Variants in BPIFB3 observed in about 807,000 individuals in gnomAD.
The protein encoded by BPIFB3 is BPI fold-containing family B member 3.
A neutral mutation model predicts 53.1 loss-of-function variants in BPIFB3; 49 were observed. The observed-to-expected ratio is 0.92, with a 90% CI of 0.73 to 1.17. The LOEUF (loss-of-function observed/expected upper bound fraction) is 1.17. Among genes scored for constraint, BPIFB3 ranks in the 50% most tolerant of loss-of-function variants. The probability of loss-of-function intolerance (pLI) is 0.00; values close to 1 mark genes in which losing one functional copy is unlikely to be tolerated. For synonymous variants in BPIFB3, 271 were observed against 269.6 expected, an observed-to-expected ratio of 1.01 and a Z score of -0.05; for missense variants, 628 against 592.5, an observed-to-expected ratio of 1.06 and a Z score of -0.62.
rs756892547 is a variant in BPIFB3, at chr20:33,071,205, G to A, written c.1218-48G>A. The A allele has an allele frequency of 1.5e-5, 23 of 1,534,738 alleles. No homozygotes were observed. The South Asian group carries it at 2.4e-4, about 16-fold the overall frequency. ...TGGGGCAGGCTGGGGGTGGGACAGG[G>A]GTGGTTGGGGGTAGCGGGGGCCCCA... is the stretch of plus-strand genomic sequence containing the variant. On this transcript the variant is annotated intron_variant, in intron 11 of 14. Transcript: ENST00000375494.
chr20:33,060,858 C>G (rs1462807965), intron 4 of BPIFB3, among the ~76,000 whole-genome samples: 1 of 152,206 alleles, frequency 6.6e-6, no homozygotes, highest in African/African-American at 2.4e-5. Flanking sequence ...AGCCACCGTG[C>G]CTGACCTCTC....
intron 9 of BPIFB3, among the ~76,000 whole-genome samples, chr20:33,067,902 A>G (rs1469539886): frequency 6.6e-6 from 1 of 152,134 alleles, no homozygotes; most frequent in Admixed American, 6.5e-5. Context: ...CCCCTTAGGG[A>G]TTCTGGGCTT....
At position 33,063,723 on chromosome 20, in the gene BPIFB3, T is replaced by G. The variant is rs746665889; in HGVS notation, c.652+48T>G. ...CCTCTTTGCCCCTTCTACCCGTCTCTGTATGACCCCAATGGGGTAGGGTAC... is the reference window on the plus strand; with the variant it reads ...CCTCTTTGCCCCTTCTACCCGTCTCGGTATGACCCCAATGGGGTAGGGTAC... On this transcript the variant is annotated intron_variant, in intron 6 of 14. Transcript: ENST00000375494. The G allele has an allele frequency of 2.1e-5, 34 of 1,591,192 alleles. No homozygotes were observed. The South Asian group carries it at 3.8e-4, about 18-fold the overall frequency.
chr20:33,061,219 T>G (rs1395721497), intron 4 of BPIFB3, among the ~76,000 whole-genome samples: 4 of 152,096 alleles, frequency 2.6e-5, no homozygotes, highest in East Asian at 3.9e-4. Flanking sequence ...GCTCCTTAAA[T>G]TCCAGTGGTT....
chr20:33,072,901 C>G (rs1323108954), intron 14 of BPIFB3, 108 bp downstream of exon 15: 1 of 978,326 alleles, frequency 1.0e-6, no homozygotes, highest in African/African-American at 1.7e-5. Flanking sequence ...TTGTCTGTCC[C>G]TGATCCATTT....
chr20:33,063,569 G>T (rs181339678), intron 5 of BPIFB3, 46 bp from the exon 7 acceptor site: 2 of 1,597,862 alleles, frequency 1.3e-6, no homozygotes, highest in Non-Finnish European at 1.7e-6. Flanking sequence ...AGCTGTCCTC[G>T]CAGTGAGCTC....
chr20:33,069,047 A>G, intron 10 of BPIFB3, 74 bp downstream of exon 11: 1 of 1,500,596 alleles, frequency 6.7e-7, no homozygotes, highest in Non-Finnish European at 9.0e-7. Flanking sequence ...AGGACTGTGG[A>G]GGTACCGTCC....
chr20:33,054,696 GA>G (rs1257532493), upstream of BPIFB3, among the ~76,000 whole-genome samples: 4 of 152,178 alleles, frequency 2.6e-5, no homozygotes, highest in Non-Finnish European at 5.9e-5. Flanking sequence ...GGGCAGCGGG[GA>G]GCCACTGAAG....
chr20:33,057,393 T>G (rs904322727), intron 2 of BPIFB3, among the ~76,000 whole-genome samples: 5 of 152,128 alleles, frequency 3.3e-5, no homozygotes, highest in Admixed American at 6.5e-5. Flanking sequence ...TACATCATGT[T>G]GGTCAGGGTG....
chr20:33,061,917 G>T, intron 5 of BPIFB3, 86 bp downstream of exon 6: 1 of 1,481,804 alleles, frequency 6.7e-7, no homozygotes, highest in Non-Finnish European at 9.4e-7. Flanking sequence ...TTTGGCGCCA[G>T]GCAGGATTAG....
chr20:33,053,977 T>C (rs940202322), upstream of BPIFB3, among the ~76,000 whole-genome samples: 1 of 152,122 alleles, frequency 6.6e-6, no homozygotes, highest in Admixed American at 6.5e-5. Context: ...TAAGACAGCC[T>C]GAGGCAGCCC....
At chr20:33,067,032 C>A (rs753958044) in intron 9 of BPIFB3, among the ~76,000 whole-genome samples, 155 bp downstream of exon 10, 8 of 152,246 alleles carry the variant, frequency 5.3e-5, no homozygotes, top group Non-Finnish European at 8.8e-5. Flanking sequence ...ACACGACATC[C>A]TTTCCTGATA....
chr20:33,057,135 A>G (rs1284453906), intron 2 of BPIFB3, among the ~76,000 whole-genome samples: 1 of 152,104 alleles, frequency 6.6e-6, no homozygotes, highest in East Asian at 1.9e-4. Context: ...TGGCTTATTC[A>G]CTGTTGTGTC....
intron 4 of BPIFB3, among the ~76,000 whole-genome samples, chr20:33,060,957 C>A (rs187469881): frequency 1.3e-5 from 2 of 152,330 alleles, no homozygotes; most frequent in East Asian, 3.9e-4. Context: ...AGAGGGGCTG[C>A]GCTCTGGCTG....
chr20:33,071,946 C>T (rs117712361), intron 12 of BPIFB3, among the ~76,000 whole-genome samples, 158 bp from the exon 14 acceptor site: 50 of 152,254 alleles, frequency 3.3e-4, no homozygotes, highest in African/African-American at 1.2e-3. Flanking sequence ...CCCAGGCCAC[C>T]CCCAAGTGCC....
In BPIFB3 at chr20:33,059,863, G is replaced by C. The variant is rs767166783; in HGVS notation, c.387-28G>C. 5 of 1,609,848 alleles carry C rather than the reference G, an allele frequency of 3.1e-6. No homozygotes were observed. The South Asian group carries it at 5.5e-5, about 18-fold the overall frequency. ...GCCAAGGGTGGGAGCTGGCTGCCTGGCCACACCCCCAGTGTCCTTTCTTGC... is the reference window on the plus strand; with the variant it reads ...GCCAAGGGTGGGAGCTGGCTGCCTGCCCACACCCCCAGTGTCCTTTCTTGC... On this transcript the variant is annotated intron_variant, in intron 3 of 14. Transcript: ENST00000375494.
intron 2 of BPIFB3, among the ~76,000 whole-genome samples, chr20:33,058,715 C>T (rs762454649): frequency 6.6e-6 from 1 of 151,936 alleles, no homozygotes; most frequent in African/African-American, 2.4e-5. Context: ...AGCGAAGATC[C>T]CATGGGCTCA....
intron 14 of BPIFB3, 97 bp downstream of exon 15, chr20:33,072,890 C>T: frequency 9.4e-7 from 1 of 1,059,876 alleles, no homozygotes; most frequent in Middle Eastern, 2.1e-4. Context: ...GCTTCATCCT[C>T]TTGTCTGTCC....
intron 11 of BPIFB3, among the ~76,000 whole-genome samples, chr20:33,070,314 G>A (rs1980833222): frequency 6.6e-6 from 1 of 152,200 alleles, no homozygotes; most frequent in Non-Finnish European, 1.5e-5. Context: ...GAAATGTGTT[G>A]TTATTTATGT....
Sources: gnomAD v4.1 joint callset for allele counts (sites outside exome capture counted in the v4.1 genomes callset) on GRCh38, gnomAD v4.1.1 for gene constraint, MANE v1.5 for transcripts, NCBI Gene and HGNC (gene_info 2026-07-23, HGNC 2026-07-21) for gene names.